The following LDLRAD4 variants were observed in gnomAD, a reference collection of about 807,000 sequenced individuals.
The protein encoded by LDLRAD4 is low density lipoprotein receptor class A domain containing 4.
LDLRAD4 carries 5 observed loss-of-function variants against 17.0 expected under a neutral mutation model. The ratio of observed to expected loss-of-function variants is 0.29; its 90% confidence interval spans 0.15 to 0.62. The LOEUF is 0.62. Ranked by LOEUF, LDLRAD4 falls within the 20% of genes least tolerant of loss-of-function variation. The probability of loss-of-function intolerance (pLI) is 0.84; values close to 1 mark genes in which losing one functional copy is unlikely to be tolerated. For missense variants in LDLRAD4, 340 were observed against 424.7 expected (o/e 0.80, Z 1.75); for synonymous variants, 168 against 171.8 (o/e 0.98, Z 0.17).
chr18:13,335,706 A>G (rs1207878156), intron 1 of LDLRAD4, among the ~76,000 whole-genome samples: 1 of 152,210 alleles, frequency 6.6e-6, no homozygotes, highest in Admixed American at 6.5e-5. Flanking sequence ...TTTTGCTTGA[A>G]GGAATGCCTG....
At chr18:13,317,916 A>T (rs921858391) in intron 1 of LDLRAD4, among the ~76,000 whole-genome samples, 1 of 152,230 alleles carries the variant, frequency 6.6e-6, no homozygotes, top group Non-Finnish European at 1.5e-5. Flanking sequence ...TATGACACCA[A>T]CTGTTTCTAC....
chr18:13,611,664 CTA>C (rs1224841301), intron 3 of LDLRAD4: 2 of 985,192 alleles, frequency 2.0e-6, no homozygotes, highest in African/African-American at 3.5e-5. Flanking sequence ...CTAAAACTGC[CTA>C]GGAACATTGA....
chr18:13,417,494 G>A (rs187800660), intron 2 of LDLRAD4, among the ~76,000 whole-genome samples: 2,177 of 150,678 alleles, frequency 0.014, 57 homozygotes, highest in African/African-American at 0.051. Context: ...GTGCAGTGGC[G>A]CGATCTCGGC....
intron 1 of LDLRAD4, among the ~76,000 whole-genome samples, chr18:13,376,528 C>T (rs927556118): frequency 6.6e-6 from 1 of 152,182 alleles, no homozygotes; most frequent in Non-Finnish European, 1.5e-5. Context: ...ACATATAAGA[C>T]AGACAGATCC....
At chr18:13,399,863 C>G (rs1049548006) in intron 2 of LDLRAD4, among the ~76,000 whole-genome samples, 6 of 152,268 alleles carry the variant, frequency 3.9e-5, no homozygotes, top group African/African-American at 1.2e-4. Flanking sequence ...ATGAATTGTT[C>G]TGAATGTATT....
chr18:13,506,649 T>G (rs2093698528), intron 3 of LDLRAD4, among the ~76,000 whole-genome samples: 1 of 152,192 alleles, frequency 6.6e-6, no homozygotes, highest in Non-Finnish European at 1.5e-5. Flanking sequence ...AGATTTTCAC[T>G]GTAGATGGAA....
chr18:13,271,853 T>C (rs2044564398), intron 1 of LDLRAD4, among the ~76,000 whole-genome samples: 1 of 145,096 alleles, frequency 6.9e-6, no homozygotes, highest in Non-Finnish European at 1.5e-5. Context: ...CAGGGACTGC[T>C]CCCAGCAAGT....
rs1237254055 is a variant in LDLRAD4, at chr18:13,385,858, A to AT, written c.-382-1480dup. On this transcript the variant is annotated intron_variant, in intron 1 of 5. Coordinates refer to ENST00000359446, the Ensembl canonical transcript of LDLRAD4. ...TTCAAAGCTACCATTTACACAAATA[A>AT]TTTATTTTTTAATTAAAATGTTACC... 2.0e-5 allele frequency among the ~76,000 whole-genome samples: 3 copies of AT among 152,334 alleles called. No homozygotes were observed. The East Asian group carries it at 5.8e-4, about 29-fold the overall frequency.
Position 13,406,308 on chromosome 18 carries a change from C to T in LDLRAD4, c.40+18546C>T, listed in dbSNP as rs117025294. ...GTTGGGAACACATGGTGCCAAGGTG[C>T]CATGGGCTGGTTTCTGCAAGTTGTT... is the stretch of plus-strand genomic sequence containing the variant. On this transcript the variant is annotated intron_variant, in intron 2 of 5. Coordinates refer to ENST00000359446, the Ensembl canonical transcript of LDLRAD4. 3.5e-3 allele frequency among the ~76,000 whole-genome samples: 528 copies of T among 152,268 alleles called. 12 individuals are homozygous for T. In the East Asian group the frequency reaches 0.056, roughly 16 times the overall value.
chr18:13,611,557 C>G (rs2039559604), intron 3 of LDLRAD4: 1 of 985,352 alleles, frequency 1.0e-6, no homozygotes. Flanking sequence ...TGTGCTTGAA[C>G]AAAATGAACC....
intron 3 of LDLRAD4, among the ~76,000 whole-genome samples, chr18:13,586,628 A>C (rs2148497208): frequency 6.6e-6 from 1 of 151,796 alleles, no homozygotes; most frequent in South Asian, 2.1e-4. Context: ...TACCTTAAAA[A>C]TCAGGGGGGA....
At chr18:13,308,831 G>A (rs2047064374) in intron 1 of LDLRAD4, among the ~76,000 whole-genome samples, 2 of 152,158 alleles carry the variant, frequency 1.3e-5, no homozygotes, top group Admixed American at 1.3e-4. Flanking sequence ...ATTTGTTTTT[G>A]CATTTGTCTT....
intron 3 of LDLRAD4, among the ~76,000 whole-genome samples, chr18:13,535,216 T>C (rs926701809): frequency 3.3e-5 from 5 of 152,268 alleles, no homozygotes; most frequent in South Asian, 2.1e-4. Flanking sequence ...GGCCGGGTTA[T>C]ATGTGTTTAA....
chr18:13,426,914 A>G (rs1196358674), intron 2 of LDLRAD4, among the ~76,000 whole-genome samples: 1 of 152,198 alleles, frequency 6.6e-6, no homozygotes, highest in Non-Finnish European at 1.5e-5. Context: ...GGCCAGGTGC[A>G]GTGGCTCACG....
intron 3 of LDLRAD4, chr18:13,515,038 T>C (rs535195007): frequency 2.0e-5 from 3 of 152,370 alleles, no homozygotes; most frequent in Admixed American, 6.5e-5. Context: ...ACTTTTTTTC[T>C]TTGTGGACAT....
intron 1 of LDLRAD4, among the ~76,000 whole-genome samples, chr18:13,333,109 C>T (rs1463617139): frequency 1.3e-5 from 2 of 152,116 alleles, no homozygotes; most frequent in Middle Eastern, 3.2e-3. Context: ...TTCGGCCATT[C>T]TAATAGGTGC....
intron 2 of LDLRAD4, among the ~76,000 whole-genome samples, chr18:13,422,150 C>T (rs1375584787): frequency 6.6e-6 from 1 of 152,188 alleles, no homozygotes; most frequent in African/African-American, 2.4e-5. Context: ...CATTATTGTG[C>T]CATTCCTTTG....
intron 3 of LDLRAD4, among the ~76,000 whole-genome samples, chr18:13,519,394 G>A (rs976345376): frequency 1.3e-5 from 2 of 152,076 alleles, no homozygotes; most frequent in Non-Finnish European, 2.9e-5. Flanking sequence ...GTCTGCCTTG[G>A]GTTTCCCTTC....
chr18:13,283,455 A>T (rs144218252), intron 1 of LDLRAD4, among the ~76,000 whole-genome samples: 16 of 152,322 alleles, frequency 1.1e-4, no homozygotes, highest in African/African-American at 3.4e-4. Context: ...AAGTTCCACA[A>T]ATCTTTAGGG....
Sources: gnomAD v4.1 joint callset for allele counts (sites outside exome capture counted in the v4.1 genomes callset) on GRCh38, gnomAD v4.1.1 for gene constraint, MANE v1.5 for transcripts, NCBI Gene and HGNC (gene_info 2026-07-23, HGNC 2026-07-21) for gene names.